The following VPS13B variants were observed in gnomAD, a reference collection of about 807,000 sequenced individuals.
VPS13B encodes the protein vacuolar protein sorting 13 homolog B.
A neutral mutation model predicts 426.4 loss-of-function variants in VPS13B; 285 were observed. The ratio of observed to expected loss-of-function variants is 0.67; its 90% CI spans 0.61 to 0.74. The LOEUF (loss-of-function observed/expected upper bound fraction) is 0.74, where lower values mean the gene tolerates loss of function less well. VPS13B is among the 30% of genes least tolerant of loss of function. The pLI, the probability that VPS13B is intolerant of heterozygous loss-of-function variation, is 0.00. For synonymous variants in VPS13B, 1,676 were observed against 1,676.4 expected, an observed-to-expected ratio of 1.00 and a Z score of 0.01; for missense variants, 4,537 against 4,782.6, an observed-to-expected ratio of 0.95 and a Z score of 1.51.
chr8:99,234,077 G>C, intron 17 of VPS13B: 1 of 781,828 alleles, frequency 1.3e-6, no homozygotes. Context: ...TGTCCGGCCT[G>C]AGAAGAGCCC....
At chr8:99,641,721 T>G (rs1265424163) in intron 33 of VPS13B, 90 bp from the exon 34 acceptor site, 10 of 1,313,972 alleles carry the variant, frequency 7.6e-6, no homozygotes, top group Non-Finnish European at 9.3e-6. Context: ...TTTTTAAAAT[T>G]TTCTCTTTGA....
At chr8:99,481,838 G>A in intron 25 of VPS13B, 36 bp downstream of exon 25, 1 of 1,606,444 alleles carries the variant, frequency 6.2e-7, no homozygotes, top group Non-Finnish European at 8.5e-7. Flanking sequence ...CAAAATGAAG[G>A]TTAATATATA....
At chr8:99,754,030 T>C (rs1810519589) in intron 39 of VPS13B, among the ~76,000 whole-genome samples, 1 of 151,868 alleles carries the variant, frequency 6.6e-6, no homozygotes. Context: ...TATAAAATCA[T>C]GATTTCCTGC....
intron 39 of VPS13B, among the ~76,000 whole-genome samples, chr8:99,723,198 A>G (rs2130357053): frequency 6.6e-6 from 1 of 152,338 alleles, no homozygotes; most frequent in Non-Finnish European, 1.5e-5. Context: ...TTTTATTCCA[A>G]CAACAAAATG....
chr8:99,587,392 C>T (rs879859899), intron 33 of VPS13B, among the ~76,000 whole-genome samples: 10 of 151,726 alleles, frequency 6.6e-5, no homozygotes, highest in Admixed American at 2.6e-4. Context: ...CTTGAGGAAT[C>T]GCCACACTGT....
intron 43 of VPS13B, among the ~76,000 whole-genome samples, chr8:99,805,741 A>G (rs958146736): frequency 6.6e-6 from 1 of 152,194 alleles, no homozygotes; most frequent in African/African-American, 2.4e-5. Flanking sequence ...GAGTGTGGCC[A>G]CTATACAACC....
chr8:99,329,383 A>G (rs1282994855), intron 19 of VPS13B, among the ~76,000 whole-genome samples: 1 of 152,082 alleles, frequency 6.6e-6, no homozygotes, highest in African/African-American at 2.4e-5. Flanking sequence ...GAAAAGATAC[A>G]TTTTTAAGGT....
chr8:99,696,834 T>G (rs1235834515), intron 35 of VPS13B: 9 of 1,162,192 alleles, frequency 7.7e-6, no homozygotes, highest in Non-Finnish European at 1.2e-5. Flanking sequence ...CCGCAGCTGG[T>G]GGCGCCGTGC....
intron 17 of VPS13B, chr8:99,232,936 C>T: frequency 1.6e-6 from 1 of 613,300 alleles, no homozygotes; most frequent in Non-Finnish European, 2.9e-6. Context: ...ACTTCTCATT[C>T]CTCAGATGGT....
intron 31 of VPS13B, among the ~76,000 whole-genome samples, chr8:99,571,621 G>T (rs1489530032): frequency 6.6e-6 from 1 of 151,776 alleles, no homozygotes; most frequent in African/African-American, 2.4e-5. Context: ...CTCTTATTTG[G>T]TTCCCTGCCA....
chr8:99,682,550 G>A (rs1162912520), intron 35 of VPS13B, among the ~76,000 whole-genome samples: 1 of 152,068 alleles, frequency 6.6e-6, no homozygotes, highest in Non-Finnish European at 1.5e-5. Context: ...ATCTGATGAA[G>A]ACCAACTTAT....
intron 21 of VPS13B, among the ~76,000 whole-genome samples, chr8:99,414,091 G>T (rs1815849716): frequency 6.6e-6 from 1 of 152,114 alleles, no homozygotes; most frequent in Admixed American, 6.5e-5. Flanking sequence ...TAAGAACTTT[G>T]TATGAATCTG....
At chr8:99,873,540 C>T (rs916077989) in intron 61 of VPS13B, among the ~76,000 whole-genome samples, 3 of 152,182 alleles carry the variant, frequency 2.0e-5, no homozygotes, top group Admixed American at 6.5e-5. Flanking sequence ...ACAGCCAAGG[C>T]CCGGCACTGG....
Position 99,876,367 on chromosome 8 carries a change from ATGAT to A in VPS13B, c.*711_*714del, listed in dbSNP as rs1554591280. The A allele has an allele frequency of 6.1e-5, 6 of 97,790 alleles. No homozygotes were observed. The highest frequency in any genetic ancestry group is 3.2e-4 in the African/African-American group (5 of 15,698). The allele number at this position is 97,790 out of a possible 1,614,324, so 6.1% of individuals were successfully genotyped here. Reference sequence around the variant, plus strand: ...TTTTACTAAAATTTACAACAGTCTGATGATTGATTGATTACTGTCCAGGTACATT... The same window carrying A: ...TTTTACTAAAATTTACAACAGTCTGATGATTGATTACTGTCCAGGTACATT... On this transcript the variant is annotated 3_prime_UTR_variant, in exon 62 of 62. Coordinates refer to ENST00000357162, the MANE Select transcript of VPS13B (RefSeq NM_152564.5).
chr8:99,266,442 G>A (rs537383695), intron 17 of VPS13B, among the ~76,000 whole-genome samples: 14 of 151,844 alleles, frequency 9.2e-5, no homozygotes, highest in Admixed American at 7.2e-4. Context: ...TAGGTTTAAT[G>A]GTGCACCACA....
chr8:99,046,228 T>C (rs1444441346), intron 3 of VPS13B, among the ~76,000 whole-genome samples: 1 of 152,196 alleles, frequency 6.6e-6, no homozygotes, highest in Non-Finnish European at 1.5e-5. Flanking sequence ...CAGCAGTGTT[T>C]GTAGTTTTCC....
At chr8:99,380,465 G>C (rs1318977814) in intron 19 of VPS13B, among the ~76,000 whole-genome samples, 2 of 151,994 alleles carry the variant, frequency 1.3e-5, no homozygotes. Context: ...ACATCTGCTT[G>C]AGTGAATCAT....
intron 39 of VPS13B, among the ~76,000 whole-genome samples, chr8:99,736,342 G>A (rs1833829201): frequency 6.6e-6 from 1 of 152,162 alleles, no homozygotes; most frequent in African/African-American, 2.4e-5. Context: ...GGAGGCTGAG[G>A]CGGGTGGATC....
intron 19 of VPS13B, among the ~76,000 whole-genome samples, chr8:99,379,366 G>A (rs928717567): frequency 1.3e-5 from 2 of 152,166 alleles, no homozygotes; most frequent in African/African-American, 4.8e-5. Flanking sequence ...ATGGGCGGGG[G>A]GGCAACAGAA....
Sources: allele counts gnomAD v4.1 joint callset (sites outside exome capture counted in the v4.1 genomes callset), GRCh38; gene constraint gnomAD v4.1.1; transcripts MANE v1.5; gene names NCBI Gene and HGNC (gene_info 2026-07-23, HGNC 2026-07-21).